SPATS2: variants seen among roughly 807,000 people sequenced by gnomAD.
The protein encoded by SPATS2 is spermatogenesis-associated serine-rich protein 2.
Under a neutral mutation model 63.7 loss-of-function variants are expected in SPATS2, and 38 were observed. The observed-to-expected ratio is 0.60, with a 90% confidence interval of 0.46 to 0.78. SPATS2 has a LOEUF of 0.78. SPATS2 is among the 30% of genes least tolerant of loss of function. SPATS2 has a pLI of 0.00. For missense variants in SPATS2, 588 were observed against 666.2 expected, an observed-to-expected ratio of 0.88 and a Z score of 1.29; for synonymous variants, 207 against 232.9, an observed-to-expected ratio of 0.89 and a Z score of 1.01.
At chr12:49,515,146 A>G (rs1946817157) in intron 10 of SPATS2, among the ~76,000 whole-genome samples, 1 of 152,204 alleles carries the variant, frequency 6.6e-6, no homozygotes, top group South Asian at 2.1e-4. Flanking sequence ...AAAGCTTACT[A>G]AAATAGATTC....
At chr12:49,439,179 G>C (rs1228655528) in intron 2 of SPATS2, among the ~76,000 whole-genome samples, 1 of 152,154 alleles carries the variant, frequency 6.6e-6, no homozygotes, top group Non-Finnish European at 1.5e-5. Context: ...AAGTTCAAAG[G>C]CCTTGAAGTG....
intron 2 of SPATS2, among the ~76,000 whole-genome samples, chr12:49,394,087 C>T (rs1408111980): frequency 1.3e-5 from 2 of 152,044 alleles, no homozygotes; most frequent in Non-Finnish European, 2.9e-5. Flanking sequence ...GTGGCCCACA[C>T]CTGTAATCCC....
chr12:49,505,591 A>G (rs1946642429), intron 9 of SPATS2, among the ~76,000 whole-genome samples: 1 of 152,238 alleles, frequency 6.6e-6, no homozygotes, highest in South Asian at 2.1e-4. Context: ...AAAAAAGTAC[A>G]GCTTTTGAAG....
At chr12:49,407,803 C>T (rs75875154) in intron 2 of SPATS2, among the ~76,000 whole-genome samples, 2,308 of 152,344 alleles carry the variant, frequency 0.015, 58 homozygotes, top group African/African-American at 0.052. Flanking sequence ...AAATGACCTA[C>T]TGCCTCTTTT....
chr12:49,374,208 G>A (rs1944052469), intron 2 of SPATS2, among the ~76,000 whole-genome samples: 1 of 151,920 alleles, frequency 6.6e-6, no homozygotes, highest in Admixed American at 6.6e-5. Flanking sequence ...ATAGTTCACT[G>A]CGTCCTTGAA....
intron 12 of SPATS2, 58 bp from the exon 13 acceptor site, chr12:49,524,624 C>G: frequency 6.5e-7 from 1 of 1,544,504 alleles, no homozygotes; most frequent in Non-Finnish European, 8.9e-7. Context: ...AAAGTAGAAA[C>G]CTTATCCATT....
At chr12:49,376,815 T>C (rs1944114451) in intron 2 of SPATS2, among the ~76,000 whole-genome samples, 1 of 150,370 alleles carries the variant, frequency 6.7e-6, no homozygotes, top group South Asian at 2.1e-4. Context: ...GCTGTCCGGA[T>C]TCAAGCAATT....
intron 2 of SPATS2, among the ~76,000 whole-genome samples, chr12:49,427,936 A>AT (rs201658886): frequency 0.011 from 1,653 of 148,520 alleles, 27 homozygotes; most frequent in African/African-American, 0.037. Flanking sequence ...TTTTTCTTTC[A>AT]TTTTTTTTTT....
At chr12:49,479,003 G>T (rs1426440074) in intron 3 of SPATS2, among the ~76,000 whole-genome samples, 1 of 152,178 alleles carries the variant, frequency 6.6e-6, no homozygotes, top group East Asian at 1.9e-4. Flanking sequence ...CAGAGAGGAG[G>T]CCCTGTAGAG....
chr12:49,400,351 G>C (rs1944584237), intron 2 of SPATS2, among the ~76,000 whole-genome samples: 1 of 152,178 alleles, frequency 6.6e-6, no homozygotes, highest in East Asian at 1.9e-4. Flanking sequence ...CAGCTTCTTG[G>C]AGTGTTGCTG....
chr12:49,513,072 CTA>C (rs1856790654), intron 9 of SPATS2, among the ~76,000 whole-genome samples: 1 of 152,198 alleles, frequency 6.6e-6, no homozygotes, highest in Non-Finnish European at 1.5e-5. Flanking sequence ...TGGCACTTCC[CTA>C]TAAAAGATTT....
intron 11 of SPATS2, among the ~76,000 whole-genome samples, chr12:49,519,814 AT>A (rs113683730): frequency 0.034 from 4,669 of 136,162 alleles, 169 homozygotes; most frequent in African/African-American, 0.11. Context: ...AGTTACCACT[AT>A]TTTTTTTTTT....
intron 2 of SPATS2, among the ~76,000 whole-genome samples, chr12:49,446,345 G>A (rs961561120): frequency 2.0e-5 from 3 of 152,206 alleles, no homozygotes; most frequent in Non-Finnish European, 4.4e-5. Context: ...CTCAGTTTCT[G>A]TAGGTCAGAT....
chr12:49,432,833 C>T (rs1016532437), intron 2 of SPATS2, among the ~76,000 whole-genome samples: 26 of 152,184 alleles, frequency 1.7e-4, no homozygotes, highest in African/African-American at 5.1e-4. Flanking sequence ...TGATAGACAC[C>T]GGTTGCTTTC....
At chr12:49,437,459 T>A (rs972108120) in intron 2 of SPATS2, among the ~76,000 whole-genome samples, 1 of 152,100 alleles carries the variant, frequency 6.6e-6, no homozygotes, top group Admixed American at 6.5e-5. Context: ...TCTCAGCACT[T>A]TGGGGGGCCA....
chr12:49,368,009 G>C (rs533417242), intron 1 of SPATS2, among the ~76,000 whole-genome samples: 55 of 152,308 alleles, frequency 3.6e-4, no homozygotes, highest in South Asian at 6.2e-4. Flanking sequence ...AGCATTCGGG[G>C]GCAATAATGA....
At chr12:49,480,794 TG>T (rs1394935531) in intron 3 of SPATS2, among the ~76,000 whole-genome samples, 1 of 148,342 alleles carries the variant, frequency 6.7e-6, no homozygotes, top group African/African-American at 2.5e-5. Context: ...TGTTGTTTTC[TG>T]TTTTTTTTTT....
chr12:49,415,783 T>C (rs569581118), intron 2 of SPATS2, among the ~76,000 whole-genome samples: 15 of 152,302 alleles, frequency 9.8e-5, no homozygotes, highest in African/African-American at 2.4e-4. Context: ...GGCATACTTA[T>C]ACAATATGTA....
chr12:49,500,045 T>A (rs878955215), intron 8 of SPATS2, 25 bp from the exon 9 acceptor site: 2 of 1,399,652 alleles, frequency 1.4e-6, no homozygotes, highest in Non-Finnish European at 1.9e-6. Context: ...TTTTTTTTTT[T>A]AATATTTCGG....
Sources: gnomAD v4.1 joint callset for allele counts (sites outside exome capture counted in the v4.1 genomes callset) on GRCh38, gnomAD v4.1.1 for gene constraint, MANE v1.5 for transcripts, NCBI Gene and HGNC (gene_info 2026-07-23, HGNC 2026-07-21) for gene names.